ATF7IP: variants seen among roughly 807,000 people sequenced by gnomAD.
ATF7IP encodes activating transcription factor 7 interacting protein, also known as activating transcription factor 7-interacting protein 1.
In ATF7IP, 23 loss-of-function variants were observed where a neutral mutation model predicts 106.4. That is an observed-to-expected ratio of 0.22 (90% confidence interval 0.16 to 0.31). The LOEUF (loss-of-function observed/expected upper bound fraction) is 0.31. Ranked by LOEUF, ATF7IP falls within the 10% of genes least tolerant of loss-of-function variation. ATF7IP has a pLI of 1.00. For missense variants in ATF7IP, 1,334 were observed against 1,524.3 expected (o/e 0.88, Z 2.08); for synonymous variants, 542 against 539.0 (o/e 1.01, Z -0.08).
In ATF7IP at chr12:14,366,166, TTACTC is replaced by T. The variant is rs550068451; in HGVS notation, c.-8+342_-8+346del. 1.3e-3 allele frequency among the ~76,000 whole-genome samples: 191 copies of T among 152,380 alleles called. 2 individuals carry two copies. The highest frequency in any genetic ancestry group is 2.1e-3 in the Non-Finnish European group (141 of 68,040). On this transcript the variant is annotated intron_variant, in intron 1 of 14. Transcript: ENST00000261168. ...ATTCTCACAATTTTCAAGAAAAACA[TTACTC>T]TAATGTTGTACTCCTGGGCCGACCT...
At chr12:14,368,307 AT>A (rs1470546071) in intron 1 of ATF7IP, among the ~76,000 whole-genome samples, 1 of 151,986 alleles carries the variant, frequency 6.6e-6, no homozygotes, top group Non-Finnish European at 1.5e-5. Context: ...TGTTATGAGT[AT>A]TTTCCCATTT....
chr12:14,469,362 C>CAAAAAAA (rs35509274), intron 10 of ATF7IP, among the ~76,000 whole-genome samples: 1 of 88,420 alleles, frequency 1.1e-5, no homozygotes, highest in Non-Finnish European at 2.2e-5. Flanking sequence ...GAGACTGTCT[C>CAAAAAAA]AAAAAAAAAA....
chr12:14,423,754 T>C (rs1591830433), intron 1 of ATF7IP, 155 bp from the exon 2 acceptor site: 1 of 756,552 alleles, frequency 1.3e-6, no homozygotes, highest in Non-Finnish European at 2.0e-6. Context: ...GCAGTAAATA[T>C]GATAATTAGT....
chr12:14,383,645 T>C (rs1449407697), intron 1 of ATF7IP, among the ~76,000 whole-genome samples: 2 of 152,192 alleles, frequency 1.3e-5, no homozygotes, highest in African/African-American at 4.8e-5. Context: ...CTTGAACTTC[T>C]GGGCTCAAGT....
intron 12 of ATF7IP, among the ~76,000 whole-genome samples, chr12:14,479,184 A>T (rs1944353806): frequency 6.6e-6 from 1 of 152,202 alleles, no homozygotes; most frequent in Admixed American, 6.5e-5. Context: ...GGCAGAAATG[A>T]CTGTAGTTTC....
chr12:14,426,912 C>T (rs1456826663), intron 2 of ATF7IP, among the ~76,000 whole-genome samples: 1 of 150,526 alleles, frequency 6.6e-6, no homozygotes, highest in Non-Finnish European at 1.5e-5. Context: ...AGGCCAGGCC[C>T]TTCTTGGTTC....
chr12:14,495,759 G>A (rs1352253378), intron 13 of ATF7IP, among the ~76,000 whole-genome samples: 1 of 152,134 alleles, frequency 6.6e-6, no homozygotes, highest in African/African-American at 2.4e-5. Flanking sequence ...AGATGAGACT[G>A]CAGAGATTTT....
intron 8 of ATF7IP, 118 bp from the exon 9 acceptor site, chr12:14,460,377 A>G: frequency 9.8e-7 from 1 of 1,021,570 alleles, no homozygotes; most frequent in Non-Finnish European, 1.4e-6. Flanking sequence ...TTCATGATAA[A>G]AGACTTTACA....
chr12:14,459,938 G>A lies in ATF7IP; in HGVS notation c.2159-557G>A, dbSNP rs545724293. On this transcript the variant is annotated intron_variant, in intron 8 of 14. Transcript: ENST00000261168. ...ATCATACAATGTCAGTAGGGTGTCA[G>A]TAGAGGGAATCTCCCCTCAATAGTT... Among the ~76,000 whole-genome samples the A allele has an allele frequency of 9.8e-5, 15 of 152,308 alleles. No individual in the cohort carries two copies. In the East Asian group the frequency reaches 2.9e-3, roughly 29 times the overall value.
Position 14,479,082 on chromosome 12 carries a change from G to A in ATF7IP, c.3097+610G>A, listed in dbSNP as rs545345267. On this transcript the variant is annotated intron_variant, in intron 12 of 14. Transcript: ENST00000261168. ...ATACTATTCTGAGTTATATTCTTGA[G>A]ACCAGCCTGGGCAACACAGTGAAAC... Among the ~76,000 whole-genome samples, 6 of 152,190 alleles carry A rather than the reference G, an allele frequency of 3.9e-5. No individual in the cohort carries two copies. In the East Asian group the frequency reaches 7.7e-4, roughly 20 times the overall value.
At chr12:14,371,895 T>C (rs1938545689) in intron 1 of ATF7IP, among the ~76,000 whole-genome samples, 1 of 152,106 alleles carries the variant, frequency 6.6e-6, no homozygotes. Context: ...GGGAGTCACA[T>C]GTATAAAGAA....
chr12:14,496,920 CTAAAGT>C (rs1945028350), intron 14 of ATF7IP, among the ~76,000 whole-genome samples: 1 of 152,116 alleles, frequency 6.6e-6, no homozygotes, highest in Non-Finnish European at 1.5e-5. Flanking sequence ...ATAGGACTTC[CTAAAGT>C]TAGAGTCATG....
rs369961485 is a variant in ATF7IP at position 14,497,770 on chromosome 12, C to T, written c.3510C>T (p.Arg1170=). The change falls in exon 15 of 15, where the codon CGC becomes CGT. Residue 1170 remains arginine, a synonymous_variant. Transcript: ENST00000261168. ...AGAAGCCACACTTGAAGTTAGCACG[C>T]GTTCAGAGTCAAAATGGCATAGTAC... ...LPQKPHLKLA[R]VQSQNGIVLS... 4.3e-6 allele frequency: 7 copies of T among 1,613,996 alleles called. No individual in the cohort carries two copies. The highest frequency in any genetic ancestry group is 1.7e-5 in the Admixed American group (1 of 59,992).
At chr12:14,415,202 C>T (rs1274957338) in intron 1 of ATF7IP, among the ~76,000 whole-genome samples, 1 of 152,112 alleles carries the variant, frequency 6.6e-6, no homozygotes, top group Non-Finnish European at 1.5e-5. Context: ...GGCCAATTTT[C>T]TAAGGGGGTG....
At chr12:14,398,222 A>G (rs1939961520) in intron 1 of ATF7IP, among the ~76,000 whole-genome samples, 1 of 151,890 alleles carries the variant, frequency 6.6e-6, no homozygotes, top group Non-Finnish European at 1.5e-5. Flanking sequence ...CTTTGGGATT[A>G]TACCTTTTTG....
Position 14,424,267 on chromosome 12 carries a change from A to G in ATF7IP, c.352A>G (p.Thr118Ala), listed in dbSNP as rs778295404. The change falls in exon 2 of 15, where the codon ACT becomes GCT. Residue 118 changes from threonine to alanine, a missense_variant. Around this residue, in one of 10 missense-constraint regions of ATF7IP, gnomAD observed 438 missense variants for 405.3 expected, o/e 1.08. Coordinates refer to ENST00000261168, the MANE Select transcript of ATF7IP (RefSeq NM_018179.5). Reference sequence around the variant, plus strand: ...TGAACCTTTGTCTCCCCATAATATAACTCCAGAACCAGTCTCTAAACTGCC... The same window carrying G: ...TGAACCTTTGTCTCCCCATAATATAGCTCCAGAACCAGTCTCTAAACTGCC... ...NCEPLSPHNI[T>A]PEPVSKLPAE... 1.2e-6 allele frequency: 2 copies of G among 1,614,018 alleles called. No homozygotes were observed. The highest frequency in any genetic ancestry group is 2.2e-5 in the East Asian group (1 of 44,878).
intron 1 of ATF7IP, among the ~76,000 whole-genome samples, chr12:14,400,824 G>A (rs950902851): frequency 6.6e-6 from 1 of 152,148 alleles, no homozygotes; most frequent in African/African-American, 2.4e-5. Context: ...CTAACCACAA[G>A]TAGTTGCCAA....
At chr12:14,421,655 G>A (rs1326161079) in intron 1 of ATF7IP, among the ~76,000 whole-genome samples, 1 of 152,118 alleles carries the variant, frequency 6.6e-6, no homozygotes, top group Non-Finnish European at 1.5e-5. Flanking sequence ...GGCCCTATCC[G>A]AATAAGGTCA....
At chr12:14,389,721 A>G (rs957201091) in intron 1 of ATF7IP, among the ~76,000 whole-genome samples, 2 of 151,978 alleles carry the variant, frequency 1.3e-5, no homozygotes, top group Non-Finnish European at 2.9e-5. Context: ...TCTGCCTCCC[A>G]GGTTCAAGCA....
Sources: allele counts gnomAD v4.1 joint callset (sites outside exome capture counted in the v4.1 genomes callset), GRCh38; gene constraint gnomAD v4.1.1; regional missense constraint gnomAD v4.1.1; transcripts MANE v1.5; gene names NCBI Gene and HGNC (gene_info 2026-07-23, HGNC 2026-07-21).